Variants in ERBB4 observed in about 807,000 individuals in gnomAD.
ERBB4 encodes the protein erb-b2 receptor tyrosine kinase 4.
Under a neutral mutation model 158.0 loss-of-function variants are expected in ERBB4, and 42 were observed. The ratio of observed to expected loss-of-function variants is 0.27; its 90% CI spans 0.21 to 0.34. The LOEUF is 0.34. Among genes scored for constraint, ERBB4 ranks in the 10% least tolerant of loss-of-function variants. The probability of loss-of-function intolerance (pLI) is 1.00; values close to 1 mark genes in which losing one functional copy is unlikely to be tolerated. For synonymous variants in ERBB4, 583 were observed against 558.7 expected (o/e 1.04, Z -0.61); for missense variants, 1,333 against 1,624.1 (o/e 0.82, Z 3.08).
chr2:212,422,386 T>C (rs1286839656), intron 1 of ERBB4, among the ~76,000 whole-genome samples: 1 of 152,022 alleles, frequency 6.6e-6, no homozygotes, highest in East Asian at 1.9e-4. Flanking sequence ...TAGTCCCAGC[T>C]ACTCAGGAGG....
chr2:211,971,921 G>A (rs1054585940), intron 2 of ERBB4, among the ~76,000 whole-genome samples: 3 of 152,010 alleles, frequency 2.0e-5, no homozygotes, highest in Non-Finnish European at 2.9e-5. Context: ...TTCTAGCCAG[G>A]GCAATCAGGC....
At chr2:211,841,725 A>G (rs1263514820) in intron 3 of ERBB4, among the ~76,000 whole-genome samples, 2 of 152,044 alleles carry the variant, frequency 1.3e-5, no homozygotes, top group Non-Finnish European at 2.9e-5. Flanking sequence ...TAAATGAAAT[A>G]TGGCTTCCCT....
At chr2:212,474,070 GAACA>G (rs1172982316) in intron 1 of ERBB4, among the ~76,000 whole-genome samples, 1 of 151,910 alleles carries the variant, frequency 6.6e-6, no homozygotes, top group Non-Finnish European at 1.5e-5. Context: ...AATAGATAAC[GAACA>G]CTTTTTTCAG....
chr2:211,810,002 G>A (rs1449282726), intron 3 of ERBB4, among the ~76,000 whole-genome samples: 1 of 152,188 alleles, frequency 6.6e-6, no homozygotes, highest in Admixed American at 6.5e-5. Context: ...GTGCTGTTTT[G>A]AGTGAGTTTC....
At chr2:212,192,163 ATG>A (rs918278108) in intron 1 of ERBB4, among the ~76,000 whole-genome samples, 3 of 145,810 alleles carry the variant, frequency 2.1e-5, no homozygotes, top group East Asian at 1.9e-4. Context: ...ATTATATTAT[ATG>A]TGTTATATAT....
intron 17 of ERBB4, among the ~76,000 whole-genome samples, chr2:211,626,929 A>G (rs1208013831): frequency 8.0e-6 from 1 of 124,886 alleles, no homozygotes; most frequent in Non-Finnish European, 1.7e-5. Context: ...CATCTCAAAA[A>G]ATAAAAATAA....
chr2:212,234,835 TC>T lies in ERBB4; in HGVS notation c.83-109933del, dbSNP rs372098128. 5.9e-5 allele frequency among the ~76,000 whole-genome samples: 9 copies of T among 152,316 alleles called. 1 individual carries two copies. Among genetic ancestry groups the T allele is most frequent in the African/African-American group, 1.9e-4 (8 of 41,574 alleles). On this transcript the variant is annotated intron_variant, in intron 1 of 27. Transcript: ENST00000342788. ...CCACTTTTTGATGGGTTTGTTTTTT[TC>T]CTGTAAATTTGTTTTTCTTTGTAGA... is the stretch of plus-strand genomic sequence containing the variant.
At chr2:212,182,539 T>C (rs1047388164) in intron 1 of ERBB4, among the ~76,000 whole-genome samples, 1 of 151,820 alleles carries the variant, frequency 6.6e-6, no homozygotes, top group Admixed American at 6.6e-5. Context: ...GTCAGGTTTG[T>C]AGGTGAAAAA....
intron 1 of ERBB4, among the ~76,000 whole-genome samples, chr2:212,268,335 A>C (rs2085224406): frequency 6.6e-6 from 1 of 151,866 alleles, no homozygotes; most frequent in Admixed American, 6.6e-5. Flanking sequence ...ATAGCACAAA[A>C]ATCAAGATCT....
At chr2:212,274,044 G>A (rs1454505814) in intron 1 of ERBB4, among the ~76,000 whole-genome samples, 1 of 151,706 alleles carries the variant, frequency 6.6e-6, no homozygotes, top group Non-Finnish European at 1.5e-5. Context: ...CATGTTACAT[G>A]TGTTACATAC....
At chr2:211,658,740 A>G (rs951370593) in intron 15 of ERBB4, among the ~76,000 whole-genome samples, 9 of 152,194 alleles carry the variant, frequency 5.9e-5, no homozygotes, top group African/African-American at 1.9e-4. Flanking sequence ...TAAGGAAATG[A>G]ATTACCTTTG....
At chr2:211,635,880 C>A (rs951092417) in intron 16 of ERBB4, among the ~76,000 whole-genome samples, 1 of 151,556 alleles carries the variant, frequency 6.6e-6, no homozygotes, top group African/African-American at 2.4e-5. Context: ...TTTTTGAATA[C>A]AGAATAATTT....
intron 2 of ERBB4, among the ~76,000 whole-genome samples, chr2:212,052,272 AGTG>A: frequency 6.6e-6 from 1 of 152,142 alleles, no homozygotes; most frequent in South Asian, 2.1e-4. Context: ...GACATATACC[AGTG>A]GTTTGCCAGG....
intron 1 of ERBB4, among the ~76,000 whole-genome samples, chr2:212,291,922 A>G (rs964247188): frequency 2.0e-5 from 3 of 151,978 alleles, no homozygotes; most frequent in African/African-American, 7.2e-5. Flanking sequence ...AGAAAAAGGA[A>G]CAGTTTGTAG....
intron 19 of ERBB4, among the ~76,000 whole-genome samples, chr2:211,585,167 A>C (rs959728001): frequency 5.3e-5 from 8 of 152,106 alleles, no homozygotes; most frequent in African/African-American, 1.7e-4. Flanking sequence ...CCTGGCTAAC[A>C]CGGTGAAACC....
chr2:211,500,025 A>G (rs1057145494), intron 20 of ERBB4, among the ~76,000 whole-genome samples: 14 of 152,128 alleles, frequency 9.2e-5, no homozygotes, highest in Non-Finnish European at 1.9e-4. Context: ...CTAGTTGAAC[A>G]ATGGCATCTT....
intron 1 of ERBB4, among the ~76,000 whole-genome samples, chr2:212,530,227 T>C (rs1173193509): frequency 4.6e-5 from 7 of 152,152 alleles, no homozygotes; most frequent in Non-Finnish European, 7.4e-5. Context: ...TATAAAAATC[T>C]TGGGGAGTAG....
chr2:212,348,477 C>T (rs1170179262), intron 1 of ERBB4, among the ~76,000 whole-genome samples: 1 of 151,990 alleles, frequency 6.6e-6, no homozygotes, highest in African/African-American at 2.4e-5. Flanking sequence ...TAATGAGAAA[C>T]AGTTAATCGT....
chr2:212,166,132 T>A (rs1030074874), intron 1 of ERBB4, among the ~76,000 whole-genome samples: 3 of 152,024 alleles, frequency 2.0e-5, no homozygotes, highest in African/African-American at 7.2e-5. Context: ...GCAGCTACTC[T>A]CCTTTAGACA....
Sources: allele counts gnomAD v4.1 joint callset (sites outside exome capture counted in the v4.1 genomes callset), GRCh38; gene constraint gnomAD v4.1.1; transcripts MANE v1.5; gene names NCBI Gene and HGNC (gene_info 2026-07-23, HGNC 2026-07-21).